TBC1D22A: variants seen among roughly 807,000 people sequenced by gnomAD.
TBC1D22A encodes the protein TBC1 domain family member 22A, also known as putative GTPase activator.
Under a neutral mutation model 60.2 loss-of-function variants are expected in TBC1D22A, and 38 were observed. The observed-to-expected ratio is 0.63, with a 90% CI of 0.49 to 0.83. The LOEUF is 0.83. TBC1D22A is among the 40% of genes least tolerant of loss of function. The pLI is 0.00. For missense variants in TBC1D22A, 628 were observed against 701.0 expected (o/e 0.90, Z 1.18); for synonymous variants, 302 against 281.7 (o/e 1.07, Z -0.72).
intron 11 of TBC1D22A, among the ~76,000 whole-genome samples, chr22:47,096,548 A>G (rs1391827428): frequency 6.6e-6 from 1 of 152,182 alleles, no homozygotes; most frequent in Non-Finnish European, 1.5e-5. Flanking sequence ...TTGGCCGGGC[A>G]CGGTGGCTCA....
At chr22:47,018,099 G>C (rs1415191820) in intron 10 of TBC1D22A, among the ~76,000 whole-genome samples, 1 of 152,254 alleles carries the variant, frequency 6.6e-6, no homozygotes. Context: ...CTCGTTCTGG[G>C]CACTGAGGCC....
chr22:46,861,589 C>A (rs754290598), intron 4 of TBC1D22A, among the ~76,000 whole-genome samples: 1 of 152,240 alleles, frequency 6.6e-6, no homozygotes, highest in Non-Finnish European at 1.5e-5. Context: ...CAGATTCTGT[C>A]TCTCACTGGG....
chr22:47,093,056 T>A (rs1441527301), intron 11 of TBC1D22A, among the ~76,000 whole-genome samples: 1 of 152,216 alleles, frequency 6.6e-6, no homozygotes, highest in Non-Finnish European at 1.5e-5. Flanking sequence ...TTAATCCTTC[T>A]TGCAACTTAG....
At chr22:46,882,160 G>C (rs1035169131) in intron 5 of TBC1D22A, among the ~76,000 whole-genome samples, 1 of 152,096 alleles carries the variant, frequency 6.6e-6, no homozygotes, top group African/African-American at 2.4e-5. Context: ...CCTGGTGTCC[G>C]GGCCCACGAA....
At chr22:46,942,277 C>A (rs894821499) in intron 8 of TBC1D22A, among the ~76,000 whole-genome samples, 1 of 151,882 alleles carries the variant, frequency 6.6e-6, no homozygotes, top group African/African-American at 2.4e-5. Context: ...CTTTTTCATT[C>A]TGAGCAGTAA....
rs570625670 is a variant in TBC1D22A at position 46,901,711 on chromosome 22, G to T, written c.900+6865G>T. 3.3e-5 allele frequency among the ~76,000 whole-genome samples: 5 copies of T among 152,168 alleles called. No individual in the cohort carries two copies. In the East Asian group the frequency reaches 5.8e-4, roughly 18 times the overall value. On this transcript the variant is annotated intron_variant, in intron 7 of 12. Coordinates refer to ENST00000337137, the MANE Select transcript of TBC1D22A (RefSeq NM_014346.5). ...TCATCAAGTGTTATAACTCACATGG[G>T]GGGGGGATGTTCCTTGAATCATGTT...
At chr22:46,865,299 T>C (rs2066998199) in intron 4 of TBC1D22A, among the ~76,000 whole-genome samples, 1 of 152,250 alleles carries the variant, frequency 6.6e-6, no homozygotes, top group Admixed American at 6.5e-5. Context: ...TTTTACACTC[T>C]GTGCTTCTGT....
At position 46,768,448 on chromosome 22, in the gene TBC1D22A, G is replaced by A. The variant is rs182861812; in HGVS notation, c.62+5600G>A. 2.3e-5 allele frequency among the ~76,000 whole-genome samples: 3 copies of A among 131,330 alleles called. No homozygotes were observed. The East Asian group carries it at 6.9e-4, about 30-fold the overall frequency. 86.2% of individuals were successfully genotyped at this position (131,330 alleles called of 152,430 possible). On this transcript the variant is annotated intron_variant, in intron 1 of 12. Coordinates refer to ENST00000337137, the MANE Select transcript of TBC1D22A (RefSeq NM_014346.5). ...TGCAGTGAGCCAAGGTCGCGCCACCGCCCCGCAGCCTGGGCAACAGAGCGA... is the reference window on the plus strand; with the variant it reads ...TGCAGTGAGCCAAGGTCGCGCCACCACCCCGCAGCCTGGGCAACAGAGCGA...
intron 4 of TBC1D22A, among the ~76,000 whole-genome samples, chr22:46,877,546 T>C (rs774122008): frequency 1.2e-4 from 19 of 152,218 alleles, no homozygotes; most frequent in Non-Finnish European, 2.6e-4. Flanking sequence ...GATTTGATAT[T>C]TTCTGAGATT....
rs181384781 is a variant in TBC1D22A at position 47,167,135 on chromosome 22, C to T, written c.1426-6363C>T. On this transcript the variant is annotated intron_variant, in intron 12 of 12. Coordinates refer to ENST00000337137, the MANE Select transcript of TBC1D22A (RefSeq NM_014346.5). ...GTTTTCTCCCAACGATGACCACGTT[C>T]GTCTTTGGCTGATGGTCCTTTTGGA... 4.2e-3 allele frequency among the ~76,000 whole-genome samples: 637 copies of T among 152,338 alleles called. 4 individuals carry two copies. The highest frequency in any genetic ancestry group is 6.3e-3 in the Non-Finnish European group (429 of 68,042).
chr22:46,965,296 G>C (rs1053183257), intron 8 of TBC1D22A, among the ~76,000 whole-genome samples: 14 of 152,228 alleles, frequency 9.2e-5, no homozygotes, highest in Non-Finnish European at 1.5e-4. Context: ...CTGACCTGTG[G>C]GGGCGGGGTG....
At chr22:47,086,480 T>A (rs1014771891) in intron 11 of TBC1D22A, among the ~76,000 whole-genome samples, 6 of 151,014 alleles carry the variant, frequency 4.0e-5, no homozygotes, top group Admixed American at 2.0e-4. Flanking sequence ...ACAAACAAAC[T>A]AAAAACAAAC....
At chr22:46,979,917 G>C (rs891906118) in intron 9 of TBC1D22A, among the ~76,000 whole-genome samples, 3 of 152,066 alleles carry the variant, frequency 2.0e-5, no homozygotes, top group Non-Finnish European at 4.4e-5. Flanking sequence ...TGCCCAGGAG[G>C]GATGATCTCC....
At chr22:46,926,219 A>C (rs1569229697) in intron 8 of TBC1D22A, among the ~76,000 whole-genome samples, 1 of 152,208 alleles carries the variant, frequency 6.6e-6, no homozygotes, top group Non-Finnish European at 1.5e-5. Context: ...AAAAGACCTC[A>C]AATCATTAAC....
At chr22:46,972,409 G>A (rs1422447893) in intron 8 of TBC1D22A, among the ~76,000 whole-genome samples, 3 of 152,196 alleles carry the variant, frequency 2.0e-5, no homozygotes, top group African/African-American at 7.2e-5. Flanking sequence ...TCTACCAGCC[G>A]AGGCATGCAG....
intron 11 of TBC1D22A, among the ~76,000 whole-genome samples, chr22:47,069,792 A>G (rs58994940): frequency 0.05 from 2,925 of 58,154 alleles, 683 homozygotes; most frequent in African/African-American, 0.21. Context: ...TGGTTGGAGC[A>G]GAGCTGACTT....
chr22:47,161,077 G>T (rs2147204718), intron 12 of TBC1D22A, among the ~76,000 whole-genome samples: 1 of 152,236 alleles, frequency 6.6e-6, no homozygotes, highest in East Asian at 1.9e-4. Context: ...CTCCCAGCTG[G>T]CCCTGGGGAC....
intron 9 of TBC1D22A, among the ~76,000 whole-genome samples, chr22:46,984,764 C>G (rs1285398235): frequency 2.6e-5 from 4 of 152,134 alleles, no homozygotes; most frequent in African/African-American, 9.7e-5. Context: ...GAGAAAAGGC[C>G]AGAAACGCAG....
chr22:46,960,689 G>A (rs1390921328), intron 8 of TBC1D22A, among the ~76,000 whole-genome samples: 1 of 152,148 alleles, frequency 6.6e-6, no homozygotes, highest in Non-Finnish European at 1.5e-5. Flanking sequence ...GCTCATGCCT[G>A]TAATCCCAGC....
Sources: gnomAD v4.1 joint callset for allele counts (sites outside exome capture counted in the v4.1 genomes callset) on GRCh38, gnomAD v4.1.1 for gene constraint, MANE v1.5 for transcripts, NCBI Gene and HGNC (gene_info 2026-07-23, HGNC 2026-07-21) for gene names.